CLMP: variants seen among roughly 807,000 people sequenced by gnomAD.
The protein encoded by CLMP is CXADR-like membrane protein.
Under a neutral mutation model 45.2 loss-of-function variants are expected in CLMP, and 27 were observed. That is an observed-to-expected ratio of 0.60 (90% CI 0.44 to 0.82). The LOEUF (loss-of-function observed/expected upper bound fraction) is 0.82. Among genes scored for constraint, CLMP ranks in the 40% least tolerant of loss-of-function variants. The probability of loss-of-function intolerance (pLI) is 0.00; values close to 1 mark genes in which losing one functional copy is unlikely to be tolerated. For synonymous variants in CLMP, 167 were observed against 171.4 expected, an observed-to-expected ratio of 0.97 and a Z score of 0.20; for missense variants, 403 against 448.4, an observed-to-expected ratio of 0.90 and a Z score of 0.91.
Position 123,100,098 on chromosome 11 carries a change from C to T in CLMP, c.29-2146G>A, listed in dbSNP as rs561137107. Among the ~76,000 whole-genome samples, 13 of 152,266 alleles carry T rather than the reference C, an allele frequency of 8.5e-5. No homozygotes were observed. In the South Asian group the frequency reaches 1.2e-3, roughly 15 times the overall value. Reference sequence around the variant, plus strand: ...TCAAAAGCGAAGACTGGGCCCGGCACGGTGGCTCACGCCTGTAATCCCAGC... The same window carrying T: ...TCAAAAGCGAAGACTGGGCCCGGCATGGTGGCTCACGCCTGTAATCCCAGC... On this transcript the variant is annotated intron_variant, in intron 1 of 6. Coordinates refer to ENST00000448775, the MANE Select transcript of CLMP (RefSeq NM_024769.5).
intron 1 of CLMP, among the ~76,000 whole-genome samples, chr11:123,101,060 T>C (rs887595173): frequency 6.6e-6 from 1 of 152,208 alleles, no homozygotes; most frequent in African/African-American, 2.4e-5. Flanking sequence ...CCAAGTTCTA[T>C]CTTCCATTCT....
chr11:123,073,076 G>A lies in CLMP; in HGVS notation c.*398C>T, dbSNP rs549551464. ...TCCAATAAGTTTGCAGAAATGCATA[G>A]AAAATTTACAAACAGCATCCCATTT... On this transcript the variant is annotated 3_prime_UTR_variant, in exon 7 of 7. Coordinates refer to ENST00000448775, the MANE Select transcript of CLMP (RefSeq NM_024769.5). 20 of 169,438 alleles carry A rather than the reference G, an allele frequency of 1.2e-4. No homozygotes were observed. The highest frequency in any genetic ancestry group is 2.2e-4 in the Non-Finnish European group (17 of 78,546). 10.5% of individuals were successfully genotyped at this position (169,438 alleles called of 1,614,324 possible). A position where few individuals can be genotyped will look rare whatever the true frequency, so the allele number is the denominator to read the frequency against.
intron 1 of CLMP, among the ~76,000 whole-genome samples, chr11:123,118,985 CTTTCTT>C (rs1565387858): frequency 1.3e-4 from 6 of 47,688 alleles, no homozygotes; most frequent in Admixed American, 2.6e-4. Flanking sequence ...TTCTTTCTTT[CTTTCTT>C]TCTTTCTTTC....
chr11:123,148,653 C>T (rs1861271228), intron 1 of CLMP, among the ~76,000 whole-genome samples: 1 of 152,188 alleles, frequency 6.6e-6, no homozygotes, highest in Admixed American at 6.5e-5. Flanking sequence ...AAGAGATGAA[C>T]AGATTCTCCC....
At chr11:123,142,980 T>C (rs1861186870) in intron 1 of CLMP, among the ~76,000 whole-genome samples, 1 of 152,170 alleles carries the variant, frequency 6.6e-6, no homozygotes, top group African/African-American at 2.4e-5. Flanking sequence ...CCATGATTTC[T>C]TCTTGCCAGG....
At chr11:123,088,920 A>G (rs1308859395) in intron 2 of CLMP, among the ~76,000 whole-genome samples, 1 of 152,048 alleles carries the variant, frequency 6.6e-6, no homozygotes, top group Non-Finnish European at 1.5e-5. Context: ...CATGGCGCCC[A>G]GCTGCTTGTT....
chr11:123,136,890 A>T (rs1315385772), intron 1 of CLMP, among the ~76,000 whole-genome samples: 1 of 151,946 alleles, frequency 6.6e-6, no homozygotes, highest in African/African-American at 2.4e-5. Flanking sequence ...CTGAAAGTAT[A>T]ACTTTAGTAA....
chr11:123,113,654 T>C (rs1264590338), intron 1 of CLMP, among the ~76,000 whole-genome samples: 1 of 152,016 alleles, frequency 6.6e-6, no homozygotes. Flanking sequence ...AGTCTGGTGG[T>C]GGGAAGGAGG....
chr11:123,089,574 G>C (rs983771614), intron 2 of CLMP, among the ~76,000 whole-genome samples: 2 of 151,104 alleles, frequency 1.3e-5, no homozygotes. Flanking sequence ...GACCATCCTG[G>C]CTAACACGGT....
intron 2 of CLMP, among the ~76,000 whole-genome samples, chr11:123,091,303 C>T (rs1382773539): frequency 6.6e-6 from 1 of 152,164 alleles, no homozygotes; most frequent in Non-Finnish European, 1.5e-5. Context: ...TGGGGTTTCA[C>T]CAGTTTGGCC....
chr11:123,173,443 T>C (rs980931392), intron 1 of CLMP, among the ~76,000 whole-genome samples: 7 of 152,234 alleles, frequency 4.6e-5, no homozygotes, highest in African/African-American at 1.4e-4. Flanking sequence ...GACATTCCTT[T>C]TTATACATGC....
chr11:123,159,578 A>T (rs1241883091), intron 1 of CLMP, among the ~76,000 whole-genome samples: 1 of 152,204 alleles, frequency 6.6e-6, no homozygotes, highest in Non-Finnish European at 1.5e-5. Context: ...AATTTATGTT[A>T]GCCTTACTAT....
intron 5 of CLMP, among the ~76,000 whole-genome samples, chr11:123,082,442 G>A (rs1865816838): frequency 6.6e-6 from 1 of 152,144 alleles, no homozygotes; most frequent in Non-Finnish European, 1.5e-5. Flanking sequence ...CTGAGTAGCT[G>A]GGATTACAGG....
chr11:123,146,044 C>T (rs575915891), intron 1 of CLMP, among the ~76,000 whole-genome samples: 1 of 152,314 alleles, frequency 6.6e-6, no homozygotes, highest in South Asian at 2.1e-4. Flanking sequence ...CAGCTGTGTG[C>T]ACCATGGCTG....
Position 123,108,601 on chromosome 11 carries a change from G to A in CLMP, c.29-10649C>T, listed in dbSNP as rs534183680. On this transcript the variant is annotated intron_variant, in intron 1 of 6. Transcript: ENST00000448775. ...GATGGGGAAAGGGAATGAGGGAAAA[G>A]GGAGAAGGTGAGGGAAAGGAAAGGA... Among the ~76,000 whole-genome samples, 149 of 152,184 alleles carry A rather than the reference G, an allele frequency of 9.8e-4. 1 individual carries two copies. Among genetic ancestry groups the A allele is most frequent in the Middle Eastern group, 3.4e-3 (1 of 292 alleles).
At chr11:123,179,938 T>C (rs922941883) in intron 1 of CLMP, among the ~76,000 whole-genome samples, 4 of 152,216 alleles carry the variant, frequency 2.6e-5, no homozygotes, top group East Asian at 1.9e-4. Context: ...TAGGAACTTA[T>C]TGGAAATTCA....
At chr11:123,113,761 C>A (rs909222893) in intron 1 of CLMP, among the ~76,000 whole-genome samples, 1 of 152,106 alleles carries the variant, frequency 6.6e-6, no homozygotes, top group African/African-American at 2.4e-5. Flanking sequence ...GTTGATTTCT[C>A]CAGTAATAAT....
At chr11:123,178,716 ACTCT>A (rs1192523811) in intron 1 of CLMP, among the ~76,000 whole-genome samples, 1 of 151,840 alleles carries the variant, frequency 6.6e-6, no homozygotes, top group Non-Finnish European at 1.5e-5. Flanking sequence ...AAATGAAAGG[ACTCT>A]CTCTATTTAA....
chr11:123,177,156 T>C (rs1861710365), intron 1 of CLMP, among the ~76,000 whole-genome samples: 1 of 152,202 alleles, frequency 6.6e-6, no homozygotes, highest in African/African-American at 2.4e-5. Context: ...GTAAAGATGG[T>C]ACTTAGGCCA....
Sources: gnomAD v4.1 joint callset for allele counts (sites outside exome capture counted in the v4.1 genomes callset) on GRCh38, gnomAD v4.1.1 for gene constraint, MANE v1.5 for transcripts, NCBI Gene and HGNC (gene_info 2026-07-23, HGNC 2026-07-21) for gene names.